RBFOX1: variants seen among roughly 807,000 people sequenced by gnomAD.
RBFOX1 encodes the protein RNA binding protein fox-1 homolog 1.
In RBFOX1, 8 loss-of-function variants were observed where a neutral mutation model predicts 57.7. The observed-to-expected ratio is 0.14, with a 90% CI of 0.08 to 0.25. RBFOX1 has a LOEUF of 0.25. Ranked by LOEUF, RBFOX1 falls within the 10% of genes least tolerant of loss-of-function variation. RBFOX1 has a pLI of 1.00. For synonymous variants in RBFOX1, 326 were observed against 222.4 expected (o/e 1.47, Z -4.15); for missense variants, 611 against 548.5 (o/e 1.11, Z -1.14).
intron 4 of RBFOX1, among the ~76,000 whole-genome samples, chr16:5,955,806 C>G (rs1021418379): frequency 1.3e-5 from 2 of 152,168 alleles, no homozygotes; most frequent in African/African-American, 4.8e-5. Flanking sequence ...TGAGCAAAGT[C>G]ACTCCCGGAA....
chr16:5,283,175 G>A (rs894077149), intron 1 of RBFOX1, among the ~76,000 whole-genome samples: 1 of 152,190 alleles, frequency 6.6e-6, no homozygotes, highest in Non-Finnish European at 1.5e-5. Flanking sequence ...TTGAGGTTTG[G>A]GAACCACTGC....
At chr16:6,978,986 C>T (rs929068314) in intron 3 of RBFOX1, among the ~76,000 whole-genome samples, 6 of 152,198 alleles carry the variant, frequency 3.9e-5, no homozygotes, top group Non-Finnish European at 5.9e-5. Flanking sequence ...GGCAGGCAAA[C>T]TGTTGACTCT....
At chr16:7,508,040 G>A (rs1053164334) in intron 4 of RBFOX1, among the ~76,000 whole-genome samples, 9 of 151,818 alleles carry the variant, frequency 5.9e-5, no homozygotes, top group African/African-American at 1.9e-4. Context: ...AGGCTGGAGT[G>A]CAGTGATGCA....
intron 3 of RBFOX1, among the ~76,000 whole-genome samples, chr16:6,691,110 G>A (rs2060143668): frequency 6.6e-6 from 1 of 152,102 alleles, no homozygotes; most frequent in African/African-American, 2.4e-5. Context: ...GTTGGGAAAA[G>A]TAAAAGGGAA....
intron 3 of RBFOX1, among the ~76,000 whole-genome samples, chr16:6,924,916 C>G (rs1188471541): frequency 4.1e-5 from 6 of 146,026 alleles, no homozygotes; most frequent in Non-Finnish European, 9.0e-5. Context: ...CAATTCCTAC[C>G]TATGAGTGAG....
intron 5 of RBFOX1, among the ~76,000 whole-genome samples, chr16:7,554,690 C>T (rs956343516): frequency 6.6e-6 from 1 of 151,878 alleles, no homozygotes; most frequent in African/African-American, 2.4e-5. Flanking sequence ...CACCCTACAC[C>T]TATAACTTAA....
At chr16:7,433,001 G>C (rs1022244175) in intron 4 of RBFOX1, among the ~76,000 whole-genome samples, 3 of 152,164 alleles carry the variant, frequency 2.0e-5, no homozygotes, top group Non-Finnish European at 4.4e-5. Context: ...AGGGAAGGAG[G>C]TTTATATCTT....
intron 4 of RBFOX1, among the ~76,000 whole-genome samples, chr16:7,146,443 C>G (rs915723334): frequency 4.6e-5 from 7 of 152,204 alleles, no homozygotes; most frequent in African/African-American, 1.7e-4. Context: ...GTCACCCCCA[C>G]TGAGGCTGGC....
chr16:6,930,776 C>T (rs905725937), intron 3 of RBFOX1, among the ~76,000 whole-genome samples: 2 of 152,134 alleles, frequency 1.3e-5, no homozygotes, highest in Non-Finnish European at 2.9e-5. Context: ...GATCCTCCCT[C>T]AGAGAGCTAT....
intron 4 of RBFOX1, among the ~76,000 whole-genome samples, chr16:7,060,617 C>G (rs1021605348): frequency 6.6e-6 from 1 of 152,142 alleles, no homozygotes; most frequent in African/African-American, 2.4e-5. Context: ...TGTTCCAACC[C>G]TAATGACTCA....
rs760227451 is a variant in RBFOX1, at chr16:6,745,857, C to T, written c.-16+91207C>T. Among the ~76,000 whole-genome samples, 11 of 152,082 alleles carry T rather than the reference C, an allele frequency of 7.2e-5. No homozygotes were observed. In the East Asian group the frequency reaches 7.7e-4, roughly 11 times the overall value. ...AAAAACTGTCTTTATTCATAGGCAG[C>T]GTGATCATCTGTGCATAAAATTTTA... On this transcript the variant is annotated intron_variant, in intron 3 of 15. Transcript: ENST00000550418.
At chr16:6,549,285 GGA>G (rs1567642215) in intron 2 of RBFOX1, among the ~76,000 whole-genome samples, 1 of 7,642 alleles carries the variant, frequency 1.3e-4, no homozygotes, top group Non-Finnish European at 3.6e-4. Flanking sequence ...GGAGGAGGAG[GGA>G]GGAGTAGGAG....
At chr16:6,054,200 T>C (rs904975900) in intron 1 of RBFOX1, among the ~76,000 whole-genome samples, 2 of 152,204 alleles carry the variant, frequency 1.3e-5, no homozygotes, top group African/African-American at 4.8e-5. Context: ...TTTCATATTT[T>C]ATTTCATCCT....
chr16:7,361,464 T>C (rs2097318581), intron 4 of RBFOX1, among the ~76,000 whole-genome samples: 1 of 152,194 alleles, frequency 6.6e-6, no homozygotes, highest in African/African-American at 2.4e-5. Context: ...TGGCTGAGGG[T>C]TACCTGGTCC....
intron 1 of RBFOX1, among the ~76,000 whole-genome samples, chr16:6,172,599 G>C (rs1035673433): frequency 2.0e-5 from 3 of 152,114 alleles, no homozygotes; most frequent in Non-Finnish European, 2.9e-5. Flanking sequence ...CTCAGTGGTG[G>C]ACTTCCTGAG....
chr16:6,482,715 A>C (rs1567381343), intron 2 of RBFOX1, among the ~76,000 whole-genome samples: 1 of 152,182 alleles, frequency 6.6e-6, no homozygotes. Context: ...CGGAGATGAA[A>C]TAGGATGAAA....
intron 1 of RBFOX1, among the ~76,000 whole-genome samples, chr16:6,245,558 G>A (rs954848463): frequency 6.6e-6 from 1 of 152,024 alleles, no homozygotes; most frequent in African/African-American, 2.4e-5. Context: ...CAGGTTTTAC[G>A]GTTGGACCTG....
chr16:7,549,410 G>A (rs566128681), intron 5 of RBFOX1, among the ~76,000 whole-genome samples: 246 of 152,334 alleles, frequency 1.6e-3, no homozygotes, highest in African/African-American at 5.7e-3. Flanking sequence ...GAAGCATGAA[G>A]AGTACCTGTA....
At chr16:6,795,351 A>G (rs1212285553) in intron 3 of RBFOX1, among the ~76,000 whole-genome samples, 2 of 152,210 alleles carry the variant, frequency 1.3e-5, no homozygotes, top group South Asian at 2.1e-4. Flanking sequence ...GTGCTATTGC[A>G]TTTCACCCGA....
Sources: allele counts gnomAD v4.1 joint callset (sites outside exome capture counted in the v4.1 genomes callset), GRCh38; gene constraint gnomAD v4.1.1; transcripts MANE v1.5; gene names NCBI Gene and HGNC (gene_info 2026-07-23, HGNC 2026-07-21).